Variants in KLHL1 observed in about 807,000 individuals in gnomAD.
The protein encoded by KLHL1 is kelch like family member 1.
In KLHL1, 47 loss-of-function variants were observed where a neutral mutation model predicts 77.7. That is an observed-to-expected ratio of 0.60 (90% confidence interval 0.48 to 0.77). The LOEUF (loss-of-function observed/expected upper bound fraction) is 0.77, where lower values mean the gene tolerates loss of function less well. Ranked by LOEUF, KLHL1 falls within the 30% of genes least tolerant of loss-of-function variation. The pLI, the probability that KLHL1 is intolerant of heterozygous loss-of-function variation, is 0.00. For missense variants in KLHL1, 925 were observed against 910.8 expected, an observed-to-expected ratio of 1.02 and a Z score of -0.20; for synonymous variants, 360 against 325.2, an observed-to-expected ratio of 1.11 and a Z score of -1.15.
chr13:69,712,571 G>A (rs1012097564), intron 9 of KLHL1, among the ~76,000 whole-genome samples: 1 of 151,916 alleles, frequency 6.6e-6, no homozygotes, highest in Non-Finnish European at 1.5e-5. Context: ...ACAATGTCTA[G>A]TTAAAATAAT....
At position 70,009,901 on chromosome 13, in the gene KLHL1, A is replaced by G. The variant is rs1171037239; in HGVS notation, c.498-34099T>C. On this transcript the variant is annotated intron_variant, in intron 1 of 10. Coordinates refer to ENST00000377844, the MANE Select transcript of KLHL1 (RefSeq NM_020866.3). ...AAAAACCAAGTTGTGAATAATGCTA[A>G]TCAATAGAAAAAAATCTGGATGAAA... 3.3e-5 allele frequency among the ~76,000 whole-genome samples: 5 copies of G among 152,294 alleles called. No individual in the cohort carries two copies. The East Asian group carries it at 9.7e-4, about 29-fold the overall frequency.
At chr13:69,854,761 C>A (rs17085529) in intron 5 of KLHL1, among the ~76,000 whole-genome samples, 24,043 of 151,956 alleles carry the variant, frequency 0.16, 2,026 homozygotes, top group East Asian at 0.25. Context: ...TTGGTTCTTA[C>A]ATAGTCTTTT....
intron 4 of KLHL1, among the ~76,000 whole-genome samples, chr13:69,939,336 CATACATATATATATATATATATAT>C (rs1883279799): frequency 2.1e-5 from 1 of 48,520 alleles, no homozygotes; most frequent in Non-Finnish European, 3.7e-5. Flanking sequence ...TATACATATA[CATACATATATATATATATATATAT>C]ATATATATAT....
intron 4 of KLHL1, among the ~76,000 whole-genome samples, chr13:69,907,136 G>T (rs889406428): frequency 9.2e-5 from 14 of 151,980 alleles, no homozygotes; most frequent in Non-Finnish European, 1.6e-4. Context: ...CAGTTGATAG[G>T]TTGGTAACAT....
At chr13:70,074,139 G>A (rs1413746996) in intron 1 of KLHL1, among the ~76,000 whole-genome samples, 5 of 151,930 alleles carry the variant, frequency 3.3e-5, no homozygotes, top group Admixed American at 6.6e-5. Flanking sequence ...TTAAGCCTCC[G>A]CACCCGGCCC....
chr13:70,078,050 ATCTTTTTTCTTTT>A (rs1338088183), intron 1 of KLHL1, among the ~76,000 whole-genome samples: 2 of 151,938 alleles, frequency 1.3e-5, no homozygotes, highest in Non-Finnish European at 2.9e-5. Context: ...TCTCTAAATG[ATCTTTTTTCTTTT>A]TATTTTTTAT....
intron 5 of KLHL1, among the ~76,000 whole-genome samples, chr13:69,847,193 C>T (rs1819486439): frequency 6.6e-6 from 1 of 151,044 alleles, no homozygotes; most frequent in South Asian, 2.1e-4. Context: ...GCTGGATGAC[C>T]TACTTTTATT....
At chr13:69,774,386 T>C (rs561040241) in intron 7 of KLHL1, among the ~76,000 whole-genome samples, 8 of 152,188 alleles carry the variant, frequency 5.3e-5, no homozygotes, top group African/African-American at 1.7e-4. Flanking sequence ...TATTTTTGTA[T>C]ATTGCCTATA....
chr13:69,799,197 G>T lies in KLHL1; in HGVS notation c.1415-2235C>A, dbSNP rs78317005. ...ATCCTAATTAACACAATCTCATTAG[G>T]CTCATATTTTCTGGTATGAGTGGAC... On this transcript the variant is annotated intron_variant, in intron 6 of 10. Coordinates refer to ENST00000377844, the MANE Select transcript of KLHL1 (RefSeq NM_020866.3). 4.6e-3 allele frequency among the ~76,000 whole-genome samples: 707 copies of T among 152,236 alleles called. 32 individuals are homozygous for T. In the East Asian group the frequency reaches 0.11, roughly 24 times the overall value.
rs971536285 is a variant in KLHL1, at chr13:70,084,356, G to A, written c.497+22847C>T. On this transcript the variant is annotated intron_variant, in intron 1 of 10. Transcript: ENST00000377844. The stretch of plus-strand genomic sequence containing the variant: ...TCCATCTTAATCTGATCCTTTTCGA[G>A]TTGAATACTTATGTCTCCAAGCACA... Among the ~76,000 whole-genome samples, 6 of 151,766 alleles carry A rather than the reference G, an allele frequency of 4.0e-5. No individual in the cohort carries two copies. The East Asian group carries it at 1.2e-3, about 29-fold the overall frequency.
intron 1 of KLHL1, among the ~76,000 whole-genome samples, chr13:69,993,588 AAC>A (rs1289723747): frequency 3.3e-5 from 5 of 152,126 alleles, no homozygotes. Flanking sequence ...TAGTCTGTCC[AAC>A]ACAGTCACTC....
At chr13:69,829,568 A>G (rs139532342) in intron 6 of KLHL1, among the ~76,000 whole-genome samples, 2,395 of 150,134 alleles carry the variant, frequency 0.016, 237 homozygotes, top group African/African-American at 0.055. Flanking sequence ...TAGCTCACCA[A>G]CAATGGATCC....
At position 69,857,986 on chromosome 13, in the gene KLHL1, T is replaced by C. The variant is rs141918818; in HGVS notation, c.1228-18824A>G. Among the ~76,000 whole-genome samples the C allele has an allele frequency of 6.4e-3, 981 of 152,140 alleles. 7 individuals carry two copies. The highest frequency in any genetic ancestry group is 0.022 in the African/African-American group (902 of 41,542). ...AAAATAAAGGAAACATGCTATGTATTCTGAATTTAAACAATAACTGGTTTT... is the reference window on the plus strand; with the variant it reads ...AAAATAAAGGAAACATGCTATGTATCCTGAATTTAAACAATAACTGGTTTT... On this transcript the variant is annotated intron_variant, in intron 5 of 10. Coordinates refer to ENST00000377844, the MANE Select transcript of KLHL1 (RefSeq NM_020866.3).
chr13:69,855,671 G>T (rs1453374579), intron 5 of KLHL1, among the ~76,000 whole-genome samples: 1 of 151,412 alleles, frequency 6.6e-6, no homozygotes, highest in East Asian at 2.0e-4. Flanking sequence ...GAAGGTCCCT[G>T]CTTCCCCTTC....
At chr13:69,944,514 C>T (rs958661355) in intron 3 of KLHL1, among the ~76,000 whole-genome samples, 17 of 152,098 alleles carry the variant, frequency 1.1e-4, no homozygotes, top group Non-Finnish European at 1.9e-4. Flanking sequence ...CATCACTGAA[C>T]GGGGCGTTAG....
intron 1 of KLHL1, among the ~76,000 whole-genome samples, chr13:70,012,346 T>C (rs1280409392): frequency 6.6e-6 from 1 of 152,176 alleles, no homozygotes; most frequent in African/African-American, 2.4e-5. Context: ...AACTAGAAAT[T>C]GTATTTACCT....
chr13:69,785,056 AT>A (rs1176906897), intron 7 of KLHL1, among the ~76,000 whole-genome samples: 3 of 149,442 alleles, frequency 2.0e-5, no homozygotes, highest in African/African-American at 2.5e-5. Context: ...CGCCCGGCTA[AT>A]TTTTTTTTGT....
intron 7 of KLHL1, among the ~76,000 whole-genome samples, chr13:69,784,020 G>T (rs2138011031): frequency 6.6e-6 from 1 of 152,136 alleles, no homozygotes; most frequent in Non-Finnish European, 1.5e-5. Context: ...AGAGACTGGG[G>T]GCCAAAATTC....
chr13:69,871,506 G>T (rs1197128413), intron 5 of KLHL1, among the ~76,000 whole-genome samples: 3 of 151,994 alleles, frequency 2.0e-5, no homozygotes, highest in Non-Finnish European at 4.4e-5. Context: ...ACATGACCAG[G>T]CTCAAATTTT....
Sources: allele counts gnomAD v4.1 joint callset (sites outside exome capture counted in the v4.1 genomes callset), GRCh38; gene constraint gnomAD v4.1.1; transcripts MANE v1.5; gene names NCBI Gene and HGNC (gene_info 2026-07-23, HGNC 2026-07-21).